The following CNTN3 variants were observed in gnomAD, a reference collection of about 807,000 sequenced individuals.
CNTN3 encodes contactin-3.
CNTN3 carries 60 observed loss-of-function variants against 119.1 expected under a neutral mutation model. The ratio of observed to expected loss-of-function variants is 0.50; its 90% CI spans 0.41 to 0.62. CNTN3 has a LOEUF of 0.62. CNTN3 is among the 20% of genes least tolerant of loss of function. The pLI is 0.00. For missense variants in CNTN3, 1,101 were observed against 1,242.4 expected (o/e 0.89, Z 1.71); for synonymous variants, 450 against 438.7 (o/e 1.03, Z -0.32).
At chr3:74,558,327 T>C (rs1052043297) in intron 1 of CNTN3, among the ~76,000 whole-genome samples, 3 of 152,176 alleles carry the variant, frequency 2.0e-5, no homozygotes, top group African/African-American at 7.2e-5. Flanking sequence ...ACAAACTTCG[T>C]ATATGCAGAT....
At chr3:74,499,483 C>T (rs1703124886) in intron 3 of CNTN3, among the ~76,000 whole-genome samples, 176 bp downstream of exon 3, 1 of 151,870 alleles carries the variant, frequency 6.6e-6, no homozygotes, top group Non-Finnish European at 1.5e-5. Context: ...CAAGTATATG[C>T]TACATATAGA....
At position 74,607,508 on chromosome 3, in the gene CNTN3, C is replaced by T. The variant is rs573211391; in HGVS notation, c.-81+6883G>A. Among the ~76,000 whole-genome samples, 20 of 152,276 alleles carry T rather than the reference C, an allele frequency of 1.3e-4. No homozygotes were observed. The South Asian group carries it at 4.1e-3, about 32-fold the overall frequency. On this transcript the variant is annotated intron_variant, in intron 1 of 22. Coordinates refer to ENST00000263665, the MANE Select transcript of CNTN3 (RefSeq NM_020872.3). Reference sequence around the variant, plus strand: ...GCCCTGCCCTAGTGGCATCAAAATCCTGCCCAAGCCTGACCACACTGATAA... The same window carrying T: ...GCCCTGCCCTAGTGGCATCAAAATCTTGCCCAAGCCTGACCACACTGATAA...
chr3:74,410,724 T>C (rs1464732219), intron 5 of CNTN3, among the ~76,000 whole-genome samples: 1 of 152,094 alleles, frequency 6.6e-6, no homozygotes, highest in African/African-American at 2.4e-5. Flanking sequence ...GGTCCCCTTA[T>C]CTGAAGATCA....
chr3:74,269,458 A>T (rs2197743), intron 20 of CNTN3, among the ~76,000 whole-genome samples: 53 of 152,294 alleles, frequency 3.5e-4, no homozygotes, highest in Admixed American at 3.1e-3. Context: ...AATACTTAGT[A>T]CACGTCTATA....
chr3:74,322,411 T>C (rs930192381), intron 13 of CNTN3, among the ~76,000 whole-genome samples: 1 of 152,158 alleles, frequency 6.6e-6, no homozygotes, highest in Non-Finnish European at 1.5e-5. Flanking sequence ...TTCAACATCA[T>C]ATTTCACTAG....
At chr3:74,469,924 T>G (rs1048866508) in intron 4 of CNTN3, among the ~76,000 whole-genome samples, 5 of 152,328 alleles carry the variant, frequency 3.3e-5, no homozygotes, top group African/African-American at 1.2e-4. Flanking sequence ...GCAGCATTAT[T>G]TATAGCAATG....
intron 2 of CNTN3, among the ~76,000 whole-genome samples, chr3:74,503,010 G>A (rs1269706697): frequency 2.6e-5 from 4 of 152,094 alleles, no homozygotes; most frequent in Admixed American, 2.0e-4. Flanking sequence ...CTCTATATGA[G>A]GCAGATACTA....
intron 1 of CNTN3, among the ~76,000 whole-genome samples, chr3:74,560,845 T>TA (rs1227220045): frequency 6.6e-6 from 1 of 151,676 alleles, no homozygotes; most frequent in Non-Finnish European, 1.5e-5. Context: ...TATGCAGCCA[T>TA]AAAAAATGAT....
chr3:74,320,460 T>C (rs1036358602), intron 13 of CNTN3, among the ~76,000 whole-genome samples: 5 of 151,880 alleles, frequency 3.3e-5, no homozygotes, highest in African/African-American at 4.8e-5. Context: ...TAGGTGGGAA[T>C]TGAACAATGA....
At chr3:74,477,328 T>C (rs1474501343) in intron 4 of CNTN3, among the ~76,000 whole-genome samples, 1 of 152,124 alleles carries the variant, frequency 6.6e-6, no homozygotes, top group Admixed American at 6.5e-5. Context: ...TACACTTTAC[T>C]AAAAAATTAT....
chr3:74,451,421 G>C (rs1477079955), intron 4 of CNTN3, among the ~76,000 whole-genome samples: 23 of 151,970 alleles, frequency 1.5e-4, no homozygotes. Context: ...TTAGCCCTTT[G>C]TCAGATGAGT....
intron 4 of CNTN3, among the ~76,000 whole-genome samples, chr3:74,484,393 A>G (rs1288216011): frequency 1.3e-5 from 2 of 152,190 alleles, no homozygotes; most frequent in African/African-American, 4.8e-5. Context: ...CAGGAACAGG[A>G]AGTCATAGGA....
intron 5 of CNTN3, among the ~76,000 whole-genome samples, chr3:74,380,313 C>G (rs1704582078): frequency 6.6e-6 from 1 of 152,212 alleles, no homozygotes; most frequent in Non-Finnish European, 1.5e-5. Flanking sequence ...CATAGCCACG[C>G]TTGATACAAT....
At chr3:74,589,724 T>A (rs1410402173) in intron 1 of CNTN3, among the ~76,000 whole-genome samples, 3 of 150,666 alleles carry the variant, frequency 2.0e-5, no homozygotes, top group Admixed American at 2.0e-4. Context: ...CCAACAATGA[T>A]AGAATGGATT....
At chr3:74,602,295 CAAAAAAA>C (rs1167052275) in intron 1 of CNTN3, among the ~76,000 whole-genome samples, 4 of 19,688 alleles carry the variant, frequency 2.0e-4, no homozygotes, top group East Asian at 1.4e-3. Flanking sequence ...GACCTGGTCT[CAAAAAAA>C]AAAAAAAAAA....
chr3:74,459,915 T>C (rs953995889), intron 4 of CNTN3, among the ~76,000 whole-genome samples: 7 of 152,076 alleles, frequency 4.6e-5, no homozygotes, highest in African/African-American at 1.7e-4. Context: ...CTGTAACTTT[T>C]TTCAGTTAAC....
chr3:74,335,437 C>A (rs1026132055), intron 12 of CNTN3, among the ~76,000 whole-genome samples: 5 of 152,100 alleles, frequency 3.3e-5, no homozygotes, highest in Non-Finnish European at 7.4e-5. Context: ...CAAATGTCCA[C>A]ATGCACATTT....
intron 12 of CNTN3, among the ~76,000 whole-genome samples, chr3:74,335,675 A>G (rs1215203549): frequency 6.6e-6 from 1 of 152,064 alleles, no homozygotes; most frequent in Non-Finnish European, 1.5e-5. Flanking sequence ...AGGTCCTCAT[A>G]ACCATCCTGC....
intron 4 of CNTN3, among the ~76,000 whole-genome samples, chr3:74,439,200 A>G (rs1415281138): frequency 6.6e-6 from 1 of 152,234 alleles, no homozygotes; most frequent in Non-Finnish European, 1.5e-5. Context: ...TAAAGGATCA[A>G]TGATGACTTC....
Sources: gnomAD v4.1 joint callset for allele counts (sites outside exome capture counted in the v4.1 genomes callset) on GRCh38, gnomAD v4.1.1 for gene constraint, MANE v1.5 for transcripts, NCBI Gene and HGNC (gene_info 2026-07-23, HGNC 2026-07-21) for gene names.